The following ZNF251 variants were observed in gnomAD, a reference collection of about 807,000 sequenced individuals.
The protein encoded by ZNF251 is zinc finger protein 251.
A neutral mutation model predicts 13.5 loss-of-function variants in ZNF251; 14 were observed. The ratio of observed to expected loss-of-function variants is 1.04; its 90% CI spans 0.69 to 1.63. ZNF251 has a LOEUF of 1.63. ZNF251 is among the 40% of genes most tolerant of loss of function. The pLI is 0.00. For synonymous variants in ZNF251, 287 were observed against 295.2 expected (o/e 0.97, Z 0.28); for missense variants, 764 against 834.9 (o/e 0.92, Z 1.05).
chr8:144,732,610 A>G (rs1372764312), intron 4 of ZNF251, among the ~76,000 whole-genome samples: 2 of 151,212 alleles, frequency 1.3e-5, no homozygotes, highest in Non-Finnish European at 2.9e-5. Context: ...CAGGAGATGG[A>G]GACCATCCTG....
At chr8:144,739,614 C>T (rs1266469218) in intron 4 of ZNF251, among the ~76,000 whole-genome samples, 1 of 152,200 alleles carries the variant, frequency 6.6e-6, no homozygotes, top group South Asian at 2.1e-4. Context: ...GACCACTGTG[C>T]CCGGAAACCT....
At chr8:144,740,638 A>G (rs1824115447) in intron 4 of ZNF251, among the ~76,000 whole-genome samples, 1 of 149,324 alleles carries the variant, frequency 6.7e-6, no homozygotes, top group Non-Finnish European at 1.5e-5. Flanking sequence ...TAAATCTCAA[A>G]AAAAAATAAA....
Position 144,755,481 on chromosome 8 carries a change from TC to T in ZNF251, c.-153del. On this transcript the variant is annotated 5_prime_UTR_variant, in exon 1 of 5. Transcript: ENST00000292562. ...GTCGCACCGAGCCCGGAACGGACCC[TC>T]CCACAGAACCGGGTCCAGAGCCGGG... is the stretch of plus-strand genomic sequence containing the variant. 7.8e-7 allele frequency: 1 copy of T among 1,287,142 alleles called. No individual in the cohort carries two copies. The highest frequency in any genetic ancestry group is 1.0e-6 in the Non-Finnish European group (1 of 988,654). 79.7% of individuals were successfully genotyped at this position (1,287,142 alleles called of 1,614,324 possible).
At chr8:144,740,028 G>A (rs1314961313) in intron 4 of ZNF251, among the ~76,000 whole-genome samples, 1 of 152,192 alleles carries the variant, frequency 6.6e-6, no homozygotes, top group Non-Finnish European at 1.5e-5. Context: ...GCTCACGCCT[G>A]TAATCCCAGC....
intron 4 of ZNF251, among the ~76,000 whole-genome samples, chr8:144,743,026 T>C (rs989780921): frequency 2.0e-5 from 3 of 152,198 alleles, no homozygotes; most frequent in African/African-American, 7.2e-5. Context: ...CACTTAAGGT[T>C]CCTCTATGTC....
At position 144,755,071 on chromosome 8, in the gene ZNF251, G is replaced by A. The variant is rs1824895096; in HGVS notation, c.-75-268C>T. ...ACCTGCTGAAGGCCCTGGAAATGGG[G>A]TGCAGGGCCGTTCTACCTGCCTGGC... is the stretch of plus-strand genomic sequence containing the variant. On this transcript the variant is annotated intron_variant, in intron 1 of 4. Transcript: ENST00000292562. 3 of 1,309,794 alleles carry A rather than the reference G, an allele frequency of 2.3e-6. No homozygotes were observed. The South Asian group carries it at 5.0e-5, about 22-fold the overall frequency. 81.1% of individuals were successfully genotyped at this position (1,309,794 alleles called of 1,614,324 possible).
In ZNF251 at chr8:144,734,010, C is replaced by A. The variant is rs776009077; in HGVS notation, c.278-10628G>T. Reference sequence around the variant, plus strand: ...AGGTCTGTTCCGCAGCCGGCAGAATCTTAGGCTGCACGTGCCAGATGCCTA... The same window carrying A: ...AGGTCTGTTCCGCAGCCGGCAGAATATTAGGCTGCACGTGCCAGATGCCTA... On this transcript the variant is annotated intron_variant, in intron 4 of 4. Transcript: ENST00000292562. The surrounding 1 kb of genome is among the most constrained non-coding windows in gnomAD (Gnocchi z 4.4). Among the ~76,000 whole-genome samples the A allele has an allele frequency of 1.3e-5, 2 of 152,216 alleles. No individual in the cohort carries two copies. The highest frequency in any genetic ancestry group is 4.8e-5 in the African/African-American group (2 of 41,462).
In ZNF251 at chr8:144,755,427, C is replaced by T. The variant is rs752698031; in HGVS notation, c.-98G>A. ...CACCTGTTTGCTCGACCCGGGGAAG[C>T]CACCGAGGAAGCGCCGAGGAGCTGC... On this transcript the variant is annotated 5_prime_UTR_variant, in exon 1 of 5. Coordinates refer to ENST00000292562, the MANE Select transcript of ZNF251 (RefSeq NM_138367.2). 3.9e-6 allele frequency: 5 copies of T among 1,287,730 alleles called. No homozygotes were observed. The highest frequency in any genetic ancestry group is 3.0e-5 in the African/African-American group (2 of 65,800). 79.8% of individuals were successfully genotyped at this position (1,287,730 alleles called of 1,614,324 possible). A position where few individuals can be genotyped will look rare whatever the true frequency, so the allele number is the denominator to read the frequency against.
chr8:144,753,562 T>A (rs188449070), intron 4 of ZNF251, 121 bp downstream of exon 4: 68 of 690,442 alleles, frequency 9.8e-5, no homozygotes, highest in Non-Finnish European at 1.6e-4. Flanking sequence ...GCTGTATCTG[T>A]GAGACTGCCC....
At chr8:144,738,101 C>A (rs543896038) in intron 4 of ZNF251, among the ~76,000 whole-genome samples, 96 of 152,250 alleles carry the variant, frequency 6.3e-4, no homozygotes, top group African/African-American at 2.3e-3. Flanking sequence ...TATAAAGCAA[C>A]CACCTCTCAG....
intron 4 of ZNF251, among the ~76,000 whole-genome samples, chr8:144,740,058 G>A (rs905193201): frequency 6.6e-6 from 1 of 152,122 alleles, no homozygotes; most frequent in Non-Finnish European, 1.5e-5. Context: ...GGCCGAGGCG[G>A]GCAGATCACC....
Position 144,754,768 on chromosome 8 carries a change from GGA to G in ZNF251, c.-42_-41del, listed in dbSNP as rs1563774539. On this transcript the variant is annotated 5_prime_UTR_variant, in exon 2 of 5. Transcript: ENST00000292562. Reference sequence around the variant, plus strand: ...CTGCTGTGGTTTCCAAGAGAAGACAGGAGACTGCCCTGGCCTGAAGTCTCCCC... The same window carrying G: ...CTGCTGTGGTTTCCAAGAGAAGACAGGACTGCCCTGGCCTGAAGTCTCCCC... The G allele has an allele frequency of 6.2e-7, 1 of 1,607,512 alleles. No individual in the cohort carries two copies. Among genetic ancestry groups the G allele is most frequent in the South Asian group, 1.1e-5 (1 of 89,622 alleles).
rs367550969 is a variant in ZNF251, at chr8:144,755,145, G to A, written c.-76+260C>T. On this transcript the variant is annotated intron_variant, in intron 1 of 4. Coordinates refer to ENST00000292562, the MANE Select transcript of ZNF251 (RefSeq NM_138367.2). ...GAGGGTGCAGCCTCACCAAGGCTGAGGACGTGAGAAGGAGGCCGCGGGGAT... is the reference window on the plus strand; with the variant it reads ...GAGGGTGCAGCCTCACCAAGGCTGAAGACGTGAGAAGGAGGCCGCGGGGAT... 10 of 1,196,924 alleles carry A rather than the reference G, an allele frequency of 8.4e-6. No individual in the cohort carries two copies. In the East Asian group the frequency reaches 5.5e-4, roughly 66 times the overall value. 74.1% of individuals were successfully genotyped at this position (1,196,924 alleles called of 1,614,324 possible). A position where few individuals can be genotyped will look rare whatever the true frequency, so the allele number is the denominator to read the frequency against.
chr8:144,723,804 C>G (rs1823439536), intron 4 of ZNF251, among the ~76,000 whole-genome samples: 1 of 152,110 alleles, frequency 6.6e-6, no homozygotes, highest in Non-Finnish European at 1.5e-5. Context: ...GTTATTGGCC[C>G]CAACCTAGTC....
Position 144,721,402 on chromosome 8 carries a change from C to G in ZNF251, c.*242G>C, listed in dbSNP as rs2258589. 16,039 of 420,738 alleles carry G rather than the reference C, an allele frequency of 0.038. 2,840 individuals carry two copies. The East Asian group carries it at 0.43, about 11-fold the overall frequency. The allele number at this position is 420,738 out of a possible 1,614,324, so 26.1% of individuals were successfully genotyped here. ...CCCTCCATCCATTCGTCATGAGTAT[C>G]CGGATACAGCACCACACGGTTCAAC... is the stretch of plus-strand genomic sequence containing the variant. On this transcript the variant is annotated 3_prime_UTR_variant, in exon 5 of 5. Transcript: ENST00000292562.
chr8:144,753,434 G>A, intron 4 of ZNF251: 1 of 430,900 alleles, frequency 2.3e-6, no homozygotes, highest in African/African-American at 2.0e-5. Flanking sequence ...TGTTATCAAG[G>A]TAAATCACCA....
chr8:144,734,712 A>G lies in ZNF251; in HGVS notation c.278-11330T>C, dbSNP rs1337289179. 6.6e-6 allele frequency among the ~76,000 whole-genome samples: 1 copy of G among 152,238 alleles called. No homozygotes were observed. The highest frequency in any genetic ancestry group is 1.5e-5 in the Non-Finnish European group (1 of 68,042). ...GGTAATAATCTCAAAGGTCAAAATC[A>G]CAGGAGACGGGCGAATTAGAACTGG... is the stretch of plus-strand genomic sequence containing the variant. On this transcript the variant is annotated intron_variant, in intron 4 of 4. Coordinates refer to ENST00000292562, the MANE Select transcript of ZNF251 (RefSeq NM_138367.2). The surrounding 1 kb of genome is among the most constrained non-coding windows in gnomAD (Gnocchi z 4.4).
intron 4 of ZNF251, among the ~76,000 whole-genome samples, chr8:144,741,075 G>T (rs181547421): frequency 6.6e-6 from 1 of 152,376 alleles, no homozygotes; most frequent in Non-Finnish European, 1.5e-5. Context: ...TGCCAGAAGG[G>T]AACAGTCCCA....
chr8:144,753,499 A>G lies in ZNF251; in HGVS notation c.277+184T>C, dbSNP rs183830499. The G allele has an allele frequency of 1.4e-4, 79 of 561,336 alleles. 1 individual carries two copies. The East Asian group carries it at 2.3e-3, about 16-fold the overall frequency. The allele number at this position is 561,336 out of a possible 1,614,324, so 34.8% of individuals were successfully genotyped here. A position where few individuals can be genotyped will look rare whatever the true frequency, so the allele number is the denominator to read the frequency against. ...ATATATTTTTAAAGCAAAGAAACAGACCAGCAAGATAAAACTTCTAAAGCA... is the reference window on the plus strand; with the variant it reads ...ATATATTTTTAAAGCAAAGAAACAGGCCAGCAAGATAAAACTTCTAAAGCA... On this transcript the variant is annotated intron_variant, in intron 4 of 4. Transcript: ENST00000292562.
Sources: gnomAD v4.1 joint callset for allele counts (sites outside exome capture counted in the v4.1 genomes callset) on GRCh38, gnomAD v4.1.1 for gene constraint, Gnocchi (gnomAD v3.1) non-coding constraint, MANE v1.5 for transcripts, NCBI Gene and HGNC (gene_info 2026-07-23, HGNC 2026-07-21) for gene names.